NFKBIZ: variants seen among roughly 807,000 people sequenced by gnomAD.
NFKBIZ encodes NF-kappa-B inhibitor zeta.
A neutral mutation model predicts 76.8 loss-of-function variants in NFKBIZ; 19 were observed. The observed-to-expected ratio is 0.25, with a 90% CI of 0.17 to 0.36. The LOEUF (loss-of-function observed/expected upper bound fraction) is 0.36. Among genes scored for constraint, NFKBIZ ranks in the 10% least tolerant of loss-of-function variants. The pLI, the probability that NFKBIZ is intolerant of heterozygous loss-of-function variation, is 1.00. For missense variants in NFKBIZ, 829 were observed against 910.9 expected (o/e 0.91, Z 1.16); for synonymous variants, 368 against 354.8 (o/e 1.04, Z -0.42).
At chr3:101,844,549 A>G (rs1942826155), upstream of NFKBIZ, among the ~76,000 whole-genome samples, 1 of 152,218 alleles carries the variant, frequency 6.6e-6, no homozygotes, top group Non-Finnish European at 1.5e-5. Flanking sequence ...TACATTTTGA[A>G]TGTTTCAGCA....
rs1943010019 is a variant in NFKBIZ, at chr3:101,853,991, G to A, written c.1337+128G>A. On this transcript the variant is annotated intron_variant, in intron 5 of 11. Coordinates refer to ENST00000326172, the MANE Select transcript of NFKBIZ (RefSeq NM_031419.4). ...TGGTTGGCTAACCAAGATGACTGGT[G>A]TAGATAGAAACCGCCACTCAGTGAT... is the stretch of plus-strand genomic sequence containing the variant. 7 of 890,720 alleles carry A rather than the reference G, an allele frequency of 7.9e-6. 1 individual carries two copies. The South Asian group carries it at 1.0e-4, about 13-fold the overall frequency. The allele number at this position is 890,720 out of a possible 1,614,324, so 55.2% of individuals were successfully genotyped here. A position where few individuals can be genotyped will look rare whatever the true frequency, so the allele number is the denominator to read the frequency against.
rs1373853877 is a variant in NFKBIZ, at chr3:101,852,998, C to G, written c.564+9C>G. The G allele has an allele frequency of 1.9e-6, 3 of 1,613,978 alleles. No individual in the cohort carries two copies. The highest frequency in any genetic ancestry group is 2.5e-6 in the Non-Finnish European group (3 of 1,179,916). ...TGCATTCCCAATTTTTGGTAAGTATCTCACCATTTTCCTCTGACTATCCTT... is the reference window on the plus strand; with the variant it reads ...TGCATTCCCAATTTTTGGTAAGTATGTCACCATTTTCCTCTGACTATCCTT... On this transcript the variant is annotated intron_variant, in intron 4 of 11. Transcript: ENST00000326172.
At chr3:101,852,301 G>A (rs1942976968) in intron 2 of NFKBIZ, 77 bp downstream of exon 2, 3 of 1,505,386 alleles carry the variant, frequency 2.0e-6, no homozygotes, top group Non-Finnish European at 2.7e-6. Context: ...GATGACCTAG[G>A]TCCAGTCATC....
In NFKBIZ at chr3:101,853,772, T is replaced by C. The variant is rs756406114; in HGVS notation, c.1246T>C (p.Ser416Pro). 1 of 1,614,148 alleles carries C rather than the reference T, an allele frequency of 6.2e-7. No individual in the cohort carries two copies. The change falls in exon 5 of 12, where the codon TCA (serine) becomes CCA (proline). Residue 416 changes from serine (S) to proline (P), a missense_variant. This residue lies in a region of NFKBIZ where 272 missense variants were observed against 384.2 expected (regional missense o/e 0.71). Transcript: ENST00000326172. ...AATGAACACCACACAGTTAGGGAAA[T>C]CACTTTTTCAGTGGCAGGTGGAGCA... ...NPMNTTQLGK[S>P]LFQWQVEQEE...
In NFKBIZ at chr3:101,859,422, C is replaced by T. The variant is rs1943103949; in HGVS notation, c.*51C>T. The T allele has an allele frequency of 6.9e-7, 1 of 1,453,544 alleles. No individual in the cohort carries two copies. The highest frequency in any genetic ancestry group is 9.7e-7 in the Non-Finnish European group (1 of 1,033,936). 90.0% of individuals were successfully genotyped at this position (1,453,544 alleles called of 1,614,324 possible). A position where few individuals can be genotyped will look rare whatever the true frequency, so the allele number is the denominator to read the frequency against. Reference sequence around the variant, plus strand: ...CAACACTCACTGTCAGTTAGGCAGTCCTGATGTATCTGTACATAGACCATT... The same window carrying T: ...CAACACTCACTGTCAGTTAGGCAGTTCTGATGTATCTGTACATAGACCATT... On this transcript the variant is annotated 3_prime_UTR_variant, in exon 12 of 12. Coordinates refer to ENST00000326172, the MANE Select transcript of NFKBIZ (RefSeq NM_031419.4).
In NFKBIZ at chr3:101,853,589, A is replaced by C; in HGVS notation, c.1063A>C (p.Asn355His). The C allele has an allele frequency of 6.2e-7, 1 of 1,614,236 alleles. No homozygotes were observed. Among genetic ancestry groups the C allele is most frequent in the East Asian group, 2.2e-5 (1 of 44,890 alleles). The part of the protein sequence containing the change: ...GDQRESENIA[N>H]PMQTSSSVQQ... ...TCAAAGGGAATCTGAGAATATTGCTAATCCCATGCAGACTTCCTCCAGTGT... is the reference window on the plus strand; with the variant it reads ...TCAAAGGGAATCTGAGAATATTGCTCATCCCATGCAGACTTCCTCCAGTGT... The change falls in exon 5 of 12, where the codon AAT becomes CAT. Residue 355 changes from asparagine (N) to histidine (H), a missense_variant. Coordinates refer to ENST00000326172, the MANE Select transcript of NFKBIZ (RefSeq NM_031419.4).
chr3:101,850,052 C>T (rs1942926481), intron 1 of NFKBIZ, 135 bp downstream of exon 1: 1 of 899,652 alleles, frequency 1.1e-6, no homozygotes, highest in South Asian at 3.5e-5. Context: ...CATCAATTAC[C>T]ACTCCCCGCC....
upstream of NFKBIZ, among the ~76,000 whole-genome samples, chr3:101,846,149 T>C: frequency 6.6e-6 from 1 of 152,190 alleles, no homozygotes; most frequent in East Asian, 1.9e-4. Flanking sequence ...GAAGGCCCGA[T>C]GTGCAGCTGG....
At position 101,849,683 on chromosome 3, in the gene NFKBIZ, G is replaced by T; in HGVS notation, c.55G>T (p.Ala19Ser). The change falls in exon 1 of 12, where the codon GCG becomes TCG. Residue 19 changes from alanine (A) to serine (S), a missense_variant. This residue lies in a region of NFKBIZ where 181 missense variants were observed against 175.3 expected (regional missense o/e 1.03). Transcript: ENST00000326172. Reference sequence around the variant, plus strand: ...CCGCGGCGGAGAGGGGCTGCGGGACGCGGCGGGCGGCTGCGGCCTCATGAC... The same window carrying T: ...CCGCGGCGGAGAGGGGCTGCGGGACTCGGCGGGCGGCTGCGGCCTCATGAC... ...DSRGGEGLRD[A>S]AGGCGLMTSP... 7.2e-7 allele frequency: 1 copy of T among 1,389,902 alleles called. No individual in the cohort carries two copies. Among genetic ancestry groups the T allele is most frequent in the South Asian group, 1.6e-5 (1 of 61,472 alleles). 86.1% of individuals were successfully genotyped at this position (1,389,902 alleles called of 1,614,324 possible). A position where few individuals can be genotyped will look rare whatever the true frequency, so the allele number is the denominator to read the frequency against.
At chr3:101,847,597 A>G (rs1405555573), upstream of NFKBIZ, among the ~76,000 whole-genome samples, 2 of 152,222 alleles carry the variant, frequency 1.3e-5, no homozygotes, top group Non-Finnish European at 2.9e-5. Context: ...CTCCTGGTCT[A>G]TAAACCTGCA....
upstream of NFKBIZ, among the ~76,000 whole-genome samples, chr3:101,848,600 C>T (rs1490844120): frequency 6.6e-6 from 1 of 152,128 alleles, no homozygotes; most frequent in Non-Finnish European, 1.5e-5. Flanking sequence ...GCTAGTTGGA[C>T]TTGAACAAAT....
chr3:101,828,801 A>G (rs1461824504), intron 1 of NFKBIZ, among the ~76,000 whole-genome samples: 1 of 152,236 alleles, frequency 6.6e-6, no homozygotes, highest in African/African-American at 2.4e-5. Context: ...GCACATTTCT[A>G]AATAGAATGG....
At chr3:101,830,051 A>G (rs1942626994) in intron 2 of NFKBIZ, among the ~76,000 whole-genome samples, 1 of 152,174 alleles carries the variant, frequency 6.6e-6, no homozygotes, top group African/African-American at 2.4e-5. Flanking sequence ...GGAGAGCATC[A>G]TGCCCCCTCT....
In NFKBIZ at chr3:101,835,354, A is replaced by G. The variant is rs754988477; in HGVS notation, c.-12+5666A>G. Among the ~76,000 whole-genome samples, 120 of 152,330 alleles carry G rather than the reference A, an allele frequency of 7.9e-4. 1 individual carries two copies. Among genetic ancestry groups the G allele is most frequent in the Non-Finnish European group, 1.9e-4 (13 of 68,030 alleles). On this transcript the variant is annotated intron_variant, in intron 2 of 12. Coordinates refer to the NFKBIZ transcript ENST00000394054. Reference sequence around the variant, plus strand: ...AAGAATTAGTGTGCTATTTTAGAAGATATTCATAAGGACTGCATGCTGAAG... The same window carrying G: ...AAGAATTAGTGTGCTATTTTAGAAGGTATTCATAAGGACTGCATGCTGAAG...
At chr3:101,846,470 T>C (rs1299431489), upstream of NFKBIZ, among the ~76,000 whole-genome samples, 1 of 152,232 alleles carries the variant, frequency 6.6e-6, no homozygotes, top group Non-Finnish European at 1.5e-5. Flanking sequence ...AACAGTACTA[T>C]TGCTTTGGCA....
intron 2 of NFKBIZ, among the ~76,000 whole-genome samples, chr3:101,832,016 C>T (rs1942654228): frequency 6.6e-6 from 1 of 152,192 alleles, no homozygotes; most frequent in Non-Finnish European, 1.5e-5. Flanking sequence ...TCAAGTGATC[C>T]TCCTGCCTTA....
At chr3:101,836,928 A>G (rs1942727823) in intron 2 of NFKBIZ, among the ~76,000 whole-genome samples, 1 of 152,176 alleles carries the variant, frequency 6.6e-6, no homozygotes, top group South Asian at 2.1e-4. Context: ...CAGATTATCT[A>G]TTCGTATCTA....
At chr3:101,854,519 A>G (rs1038418337) in intron 5 of NFKBIZ, 59 bp from the exon 6 acceptor site, 51 of 1,109,110 alleles carry the variant, frequency 4.6e-5, no homozygotes, top group Non-Finnish European at 5.1e-5. Flanking sequence ...TTTTTTTTCA[A>G]AAGAACAACT....
intron 2 of NFKBIZ, among the ~76,000 whole-genome samples, chr3:101,842,077 C>T (rs538305369): frequency 6.6e-6 from 1 of 152,154 alleles, no homozygotes; most frequent in Admixed American, 6.5e-5. Context: ...ATCCTAAGAG[C>T]TATGATAGAA....
Sources: allele counts gnomAD v4.1 joint callset (sites outside exome capture counted in the v4.1 genomes callset), GRCh38; gene constraint gnomAD v4.1.1; regional missense constraint gnomAD v4.1.1; transcripts MANE v1.5; gene names NCBI Gene and HGNC (gene_info 2026-07-23, HGNC 2026-07-21).